PPP4R1: variants seen among roughly 807,000 people sequenced by gnomAD.
PPP4R1 encodes the protein serine/threonine-protein phosphatase 4 regulatory subunit 1.
A neutral mutation model predicts 111.2 loss-of-function variants in PPP4R1; 42 were observed. The observed-to-expected ratio is 0.38, with a 90% CI of 0.29 to 0.49. The LOEUF (loss-of-function observed/expected upper bound fraction) is 0.49. Among genes scored for constraint, PPP4R1 ranks in the 20% least tolerant of loss-of-function variants. The pLI, the probability that PPP4R1 is intolerant of heterozygous loss-of-function variation, is 0.97. For missense variants in PPP4R1, 1,012 were observed against 1,161.6 expected, an observed-to-expected ratio of 0.87 and a Z score of 1.87; for synonymous variants, 409 against 405.5, an observed-to-expected ratio of 1.01 and a Z score of -0.10.
intron 11 of PPP4R1, among the ~76,000 whole-genome samples, chr18:9,566,067 T>C (rs1414737165): frequency 6.6e-6 from 1 of 151,996 alleles, no homozygotes; most frequent in Non-Finnish European, 1.5e-5. Flanking sequence ...TGGACCATCA[T>C]GCCCAGTTAA....
In PPP4R1 at chr18:9,563,523, A is replaced by G; in HGVS notation, c.1601T>C (p.Leu534Pro). Residue 534 changes from leucine to proline, a missense_variant, in exon 12 of 20, where the codon CTA becomes CCA. By Grantham distance (98) the Leu-to-Pro change is moderately conservative. Coordinates refer to ENST00000400556, the MANE Select transcript of PPP4R1 (RefSeq NM_001042388.3). ...KAQVEVLSAA[L>P]RASSLDAHEE... ...ATGTGCATCCAGGCTGGAAGCACGT[A>G]GTGCAGCGGACAGCACTTCCACTTG... is the stretch of plus-strand genomic sequence containing the variant. The G allele has an allele frequency of 6.2e-7, 1 of 1,604,932 alleles. No homozygotes were observed. Among genetic ancestry groups the G allele is most frequent in the Non-Finnish European group, 8.5e-7 (1 of 1,174,564 alleles).
intron 10 of PPP4R1, among the ~76,000 whole-genome samples, chr18:9,574,017 T>C (rs1270430249): frequency 1.3e-5 from 2 of 152,224 alleles, no homozygotes; most frequent in East Asian, 3.8e-4. Flanking sequence ...ATTCTAATTT[T>C]TCCTGGTAAA....
chr18:9,614,368 C>T lies in PPP4R1; in HGVS notation c.8-98G>A. ...CTCCCCCCCGCCCCGGGGGCGCCTTCCCGCGCCGGGACCCCACGCCGGCCC... is the reference window on the plus strand; with the variant it reads ...CTCCCCCCCGCCCCGGGGGCGCCTTTCCGCGCCGGGACCCCACGCCGGCCC... On this transcript the variant is annotated intron_variant, in intron 1 of 19. Transcript: ENST00000400556. The surrounding 1 kb of genome is among the most constrained non-coding windows in gnomAD (Gnocchi z 4.1). 2 of 1,012,272 alleles carry T rather than the reference C, an allele frequency of 2.0e-6. No individual in the cohort carries two copies. Among genetic ancestry groups the T allele is most frequent in the Non-Finnish European group, 1.2e-6 (1 of 837,316 alleles). The allele number at this position is 1,012,272 out of a possible 1,614,324, so 62.7% of individuals were successfully genotyped here.
chr18:9,570,949 C>G (rs2066852751), intron 10 of PPP4R1, among the ~76,000 whole-genome samples: 1 of 152,082 alleles, frequency 6.6e-6, no homozygotes, highest in Non-Finnish European at 1.5e-5. Context: ...TTTAAGAATC[C>G]TGGGATTCTA....
At chr18:9,584,681 T>C (rs777717146) in intron 7 of PPP4R1, 40 bp downstream of exon 7, 1 of 1,606,250 alleles carries the variant, frequency 6.2e-7, no homozygotes. Context: ...CCACTAGAAC[T>C]ATGTTCTTAA....
intron 2 of PPP4R1, chr18:9,612,481 T>C (rs544331748): frequency 1.3e-5 from 2 of 152,340 alleles, no homozygotes; most frequent in South Asian, 4.2e-4. Flanking sequence ...AAACTCATGG[T>C]TGAATTTTTC....
intron 2 of PPP4R1, among the ~76,000 whole-genome samples, chr18:9,609,071 T>TC (rs2067533888): frequency 6.6e-6 from 1 of 152,190 alleles, no homozygotes; most frequent in African/African-American, 2.4e-5. Context: ...TCTCTCTCTT[T>TC]CAATTTTATG....
At chr18:9,582,697 A>C (rs1205284437) in intron 9 of PPP4R1, among the ~76,000 whole-genome samples, 1 of 152,196 alleles carries the variant, frequency 6.6e-6, no homozygotes, top group African/African-American at 2.4e-5. Context: ...TTACTCTGAC[A>C]ACAAACCAGA....
In PPP4R1 at chr18:9,559,484, T is replaced by C; in HGVS notation, c.1963A>G (p.Thr655Ala). 2 of 1,613,930 alleles carry C rather than the reference T, an allele frequency of 1.2e-6. No individual in the cohort carries two copies. Among genetic ancestry groups the C allele is most frequent in the East Asian group, 2.2e-5 (1 of 44,882 alleles). The stretch of plus-strand genomic sequence containing the variant: ...CAGTGCCAATTCTGTCTTCCGAGTG[T>C]CAAGGCCACACCAGGGAGGCTATAT... The part of the protein sequence containing the change: ...CAYSLPGVAL[T>A]LGRQNWHCLR... The change falls in exon 14 of 20, where the codon ACA becomes GCA. Residue 655 changes from threonine to alanine, a missense_variant. Physicochemically the swap from Thr to Ala is moderately conservative, Grantham distance 58 (BLOSUM62 0). Coordinates refer to ENST00000400556, the MANE Select transcript of PPP4R1 (RefSeq NM_001042388.3).
At chr18:9,598,089 A>G (rs1057230919) in intron 2 of PPP4R1, among the ~76,000 whole-genome samples, 3 of 152,166 alleles carry the variant, frequency 2.0e-5, no homozygotes, top group Admixed American at 6.5e-5. Flanking sequence ...AGAGGAAAAA[A>G]TGTGTTACCT....
Position 9,614,361 on chromosome 18 carries a change from G to T in PPP4R1, c.8-91C>A. On this transcript the variant is annotated intron_variant, in intron 1 of 19. Coordinates refer to ENST00000400556, the MANE Select transcript of PPP4R1 (RefSeq NM_001042388.3). The surrounding 1 kb of genome is among the most constrained non-coding windows in gnomAD (Gnocchi z 4.1). Reference sequence around the variant, plus strand: ...CGCCCGCCTCCCCCCCGCCCCGGGGGCGCCTTCCCGCGCCGGGACCCCACG... The same window carrying T: ...CGCCCGCCTCCCCCCCGCCCCGGGGTCGCCTTCCCGCGCCGGGACCCCACG... 9.6e-7 allele frequency: 1 copy of T among 1,040,534 alleles called. No individual in the cohort carries two copies. Among genetic ancestry groups the T allele is most frequent in the Non-Finnish European group, 1.2e-6 (1 of 860,664 alleles). The allele number at this position is 1,040,534 out of a possible 1,614,324, so 64.5% of individuals were successfully genotyped here. A position where few individuals can be genotyped will look rare whatever the true frequency, so the allele number is the denominator to read the frequency against.
upstream of PPP4R1, chr18:9,614,696 C>T (rs1414817644): frequency 6.9e-6 from 1 of 144,572 alleles, no homozygotes; most frequent in African/African-American, 2.5e-5. This position sits in a 1 kb window ranked among gnomAD's most constrained non-coding sequence, Gnocchi z 4.1. Context: ...CGCCCCGCCC[C>T]GCCCCGCCTG....
At chr18:9,550,525 G>C in intron 16 of PPP4R1, 127 bp from the exon 17 acceptor site, 8 of 1,085,978 alleles carry the variant, frequency 7.4e-6, no homozygotes, top group Non-Finnish European at 9.2e-6. Flanking sequence ...GCAAAGAGGA[G>C]TGATTAAGCA....
intron 11 of PPP4R1, among the ~76,000 whole-genome samples, chr18:9,568,077 G>A (rs143191558): frequency 7.2e-5 from 11 of 152,278 alleles, no homozygotes; most frequent in African/African-American, 2.4e-4. Flanking sequence ...CACCCAGGCT[G>A]GAGTGTAGTA....
chr18:9,587,849 G>A (rs1319025145), intron 6 of PPP4R1, among the ~76,000 whole-genome samples: 3 of 152,036 alleles, frequency 2.0e-5, no homozygotes, highest in Non-Finnish European at 4.4e-5. Flanking sequence ...CCAAGTAACA[G>A]GGACTACAGG....
intron 12 of PPP4R1, chr18:9,562,956 C>T (rs2066702350): frequency 1.0e-6 from 1 of 995,996 alleles, no homozygotes; most frequent in Non-Finnish European, 1.2e-6. Flanking sequence ...TGTCACTGGC[C>T]CTCCGCAACA....
chr18:9,600,557 A>G (rs1192487225), intron 2 of PPP4R1, among the ~76,000 whole-genome samples: 1 of 152,210 alleles, frequency 6.6e-6, no homozygotes, highest in Non-Finnish European at 1.5e-5. Flanking sequence ...TTTTAAAAAG[A>G]TATAACACAA....
chr18:9,588,653 T>C, intron 5 of PPP4R1, 58 bp downstream of exon 5: 1 of 1,449,630 alleles, frequency 6.9e-7, no homozygotes, highest in Non-Finnish European at 9.4e-7. Flanking sequence ...GGCTCGGCTA[T>C]TCTCCATATA....
intron 13 of PPP4R1, among the ~76,000 whole-genome samples, chr18:9,561,404 C>T (rs2066675017): frequency 6.6e-6 from 1 of 152,046 alleles, no homozygotes; most frequent in South Asian, 2.1e-4. Flanking sequence ...GGACACTGTG[C>T]TGTGCTGCTG....
Sources: allele counts gnomAD v4.1 joint callset (sites outside exome capture counted in the v4.1 genomes callset), GRCh38; gene constraint gnomAD v4.1.1; non-coding constraint Gnocchi (gnomAD v3.1); transcripts MANE v1.5; gene names NCBI Gene and HGNC (gene_info 2026-07-23, HGNC 2026-07-21).